Variants in AQR observed in about 807,000 individuals in gnomAD.
AQR encodes the protein RNA helicase aquarius.
Under a neutral mutation model 180.5 loss-of-function variants are expected in AQR, and 61 were observed. The observed-to-expected ratio is 0.34, with a 90% CI of 0.28 to 0.42. The LOEUF (loss-of-function observed/expected upper bound fraction) is 0.42, where lower values mean the gene tolerates loss of function less well. Among genes scored for constraint, AQR ranks in the 10% least tolerant of loss-of-function variants. The pLI, the probability that AQR is intolerant of heterozygous loss-of-function variation, is 1.00. For missense variants in AQR, 1,281 were observed against 1,798.3 expected, an observed-to-expected ratio of 0.71 and a Z score of 5.20; for synonymous variants, 551 against 588.8, an observed-to-expected ratio of 0.94 and a Z score of 0.93.
rs1049194354 is a variant in AQR, at chr15:34,862,905, G to A, written c.3991C>T (p.His1331Tyr). 6.2e-7 allele frequency: 1 copy of A among 1,613,660 alleles called. No individual in the cohort carries two copies. Among genetic ancestry groups the A allele is most frequent in the African/African-American group, 1.3e-5 (1 of 74,880 alleles). Residue 1331 changes from histidine (H) to tyrosine (Y), a missense_variant, in exon 33 of 35, where the codon CAT (histidine) becomes TAT (tyrosine). Physicochemically the swap from His to Tyr is moderately conservative, Grantham distance 83 (BLOSUM62 2). Transcript: ENST00000156471. ...GGGAAAGGTTCTGTTGGAATTATAT[G>A]CAAATGAAGGGGGCGAGCTGTGAGC... The part of the protein sequence containing the change: ...SQLTARPLHL[H>Y]IIPTEPFPTT...
At chr15:34,886,054 T>C (rs1008151574) in intron 25 of AQR, among the ~76,000 whole-genome samples, 4 of 152,184 alleles carry the variant, frequency 2.6e-5, no homozygotes, top group Non-Finnish European at 5.9e-5. Context: ...CATCTTTATG[T>C]TGAAGTCAGA....
Position 34,927,103 on chromosome 15 carries a change from A to ATATGAT in AQR, c.1049_1050insATCATA (p.Asp350delinsGluSerTyr). On this transcript the variant is annotated protein_altering_variant, in exon 13 of 35. Transcript: ENST00000156471. ...CTTCTGCCACATTTGAGAGGGCAAA[A>ATATGAT]TCATAGAGTTCAGGAAAATGTGCAA... 7 of 1,592,278 alleles carry ATATGAT rather than the reference A, an allele frequency of 4.4e-6. No homozygotes were observed. The highest frequency in any genetic ancestry group is 6.0e-6 in the Non-Finnish European group (7 of 1,169,006).
At chr15:34,903,370 C>T (rs1893362931) in intron 19 of AQR, among the ~76,000 whole-genome samples, 1 of 151,986 alleles carries the variant, frequency 6.6e-6, no homozygotes, top group Non-Finnish European at 1.5e-5. Context: ...GTATACTTCA[C>T]ATTTTAAAAG....
At chr15:34,889,651 A>G (rs188968331) in intron 24 of AQR, among the ~76,000 whole-genome samples, 75 of 152,302 alleles carry the variant, frequency 4.9e-4, no homozygotes, top group Middle Eastern at 3.4e-3. Context: ...CCCAAAGCTT[A>G]TATTATCATT....
intron 13 of AQR, among the ~76,000 whole-genome samples, chr15:34,925,998 T>A (rs1893757347): frequency 6.6e-6 from 1 of 151,292 alleles, no homozygotes; most frequent in Admixed American, 6.6e-5. Flanking sequence ...AAACCCCGTC[T>A]CTACTAAAAA....
At position 34,911,410 on chromosome 15, in the gene AQR, T is replaced by C. The variant is rs140545774; in HGVS notation, c.1485-1097A>G. Among the ~76,000 whole-genome samples, 12 of 152,264 alleles carry C rather than the reference T, an allele frequency of 7.9e-5. No homozygotes were observed. The East Asian group carries it at 2.1e-3, about 27-fold the overall frequency. ...CTGCACTAATTGACATTCCCACCAA[T>C]AGTGTATAAGAGTTCCCTTTTCTCC... On this transcript the variant is annotated intron_variant, in intron 16 of 34. Transcript: ENST00000156471.
At chr15:34,969,171 A>G (rs534808918) in intron 1 of AQR, among the ~76,000 whole-genome samples, 1 of 152,330 alleles carries the variant, frequency 6.6e-6, no homozygotes, top group Non-Finnish European at 1.5e-5. Context: ...GAGGCAGTCC[A>G]GCATCACTCT....
At chr15:34,922,739 G>A (rs968649118) in intron 13 of AQR, among the ~76,000 whole-genome samples, 8 of 151,546 alleles carry the variant, frequency 5.3e-5, no homozygotes, top group Admixed American at 4.6e-4. Flanking sequence ...ATTTTTAGTA[G>A]ACAAGTCATC....
intron 17 of AQR, among the ~76,000 whole-genome samples, chr15:34,909,002 G>A (rs1893459686): frequency 6.6e-6 from 1 of 152,148 alleles, no homozygotes. Context: ...TAATATACCA[G>A]GATGGAACTC....
chr15:34,929,957 G>A (rs75562278), intron 12 of AQR, among the ~76,000 whole-genome samples: 9,298 of 152,178 alleles, frequency 0.061, 324 homozygotes, highest in Middle Eastern at 0.092. Context: ...CCTGCCATAT[G>A]TTGAAATACT....
intron 9 of AQR, 38 bp downstream of exon 9, chr15:34,938,699 G>A (rs781729315): frequency 1.8e-5 from 23 of 1,299,088 alleles, no homozygotes; most frequent in Non-Finnish European, 2.1e-5. Context: ...GCAGCTATAT[G>A]ATAATTTCAC....
chr15:34,944,921 C>T (rs1409391073), intron 5 of AQR, among the ~76,000 whole-genome samples: 3 of 152,160 alleles, frequency 2.0e-5, no homozygotes, highest in East Asian at 1.9e-4. Context: ...CTAGTTACTG[C>T]CACAGACAAA....
intron 13 of AQR, among the ~76,000 whole-genome samples, chr15:34,920,729 C>A (rs542887782): frequency 6.6e-6 from 1 of 152,220 alleles, no homozygotes; most frequent in East Asian, 1.9e-4. Flanking sequence ...GAGGCCGAGG[C>A]AGGCAGATCC....
At position 34,901,778 on chromosome 15, in the gene AQR, T is replaced by C. The variant is rs570675078; in HGVS notation, c.2002-915A>G. Among the ~76,000 whole-genome samples the C allele has an allele frequency of 3.9e-4, 60 of 152,320 alleles. 1 individual carries two copies. In the South Asian group the frequency reaches 0.012, roughly 32 times the overall value. ...ACTTGGTTATTTGTTTTATCCCTAC[T>C]ATCCCTACTATCATTTGTTTAATCC... On this transcript the variant is annotated intron_variant, in intron 19 of 34. Transcript: ENST00000156471.
chr15:34,932,286 C>G, intron 11 of AQR, 32 bp downstream of exon 11: 1 of 1,547,656 alleles, frequency 6.5e-7, no homozygotes, highest in Non-Finnish European at 8.9e-7. Context: ...GAAAGTAAAA[C>G]AATAAATACG....
intron 1 of AQR, among the ~76,000 whole-genome samples, chr15:34,966,520 C>A (rs536020654): frequency 1.3e-5 from 2 of 152,264 alleles, no homozygotes; most frequent in African/African-American, 4.8e-5. Context: ...CCTTATACCC[C>A]AATCTGGCAT....
chr15:34,887,663 A>T (rs1893083484), intron 24 of AQR, among the ~76,000 whole-genome samples: 1 of 152,360 alleles, frequency 6.6e-6, no homozygotes, highest in South Asian at 2.1e-4. Context: ...TAACCCTTTA[A>T]TGCTTAAAAT....
chr15:34,918,794 T>C (rs1241592495), intron 14 of AQR, among the ~76,000 whole-genome samples: 1 of 152,252 alleles, frequency 6.6e-6, no homozygotes, highest in Non-Finnish European at 1.5e-5. Flanking sequence ...ATAGGAGCTC[T>C]AGGTTTTGGA....
At chr15:34,967,792 T>G (rs1008670142) in intron 1 of AQR, among the ~76,000 whole-genome samples, 1 of 152,114 alleles carries the variant, frequency 6.6e-6, no homozygotes, top group Non-Finnish European at 1.5e-5. Flanking sequence ...TAAGGGTAAT[T>G]AGAATTCTTT....
Sources: allele counts gnomAD v4.1 joint callset (sites outside exome capture counted in the v4.1 genomes callset), GRCh38; gene constraint gnomAD v4.1.1; transcripts MANE v1.5; gene names NCBI Gene and HGNC (gene_info 2026-07-23, HGNC 2026-07-21).